Variants in KARS1 observed in about 807,000 individuals in gnomAD.
The protein encoded by KARS1 is lysyl-tRNA synthetase 1.
A neutral mutation model predicts 63.9 loss-of-function variants in KARS1; 50 were observed. The ratio of observed to expected loss-of-function variants is 0.78; its 90% CI spans 0.62 to 0.99. KARS1 has a LOEUF of 0.99. KARS1 is among the 50% of genes least tolerant of loss of function. The probability of loss-of-function intolerance (pLI) is 0.00; values close to 1 mark genes in which losing one functional copy is unlikely to be tolerated. For missense variants in KARS1, 816 were observed against 754.5 expected, an observed-to-expected ratio of 1.08 and a Z score of -0.95; for synonymous variants, 320 against 264.6, an observed-to-expected ratio of 1.21 and a Z score of -2.03.
At position 75,629,623 on chromosome 16, in the gene KARS1, G is replaced by A. The variant is rs79612807; in HGVS notation, c.1425-82C>T. ...TTTGTTTTTTCTTTTTTTTTGAGAC[G>A]GAGTCTCGCTCTGTCACGCAGGCTG... is the stretch of plus-strand genomic sequence containing the variant. On this transcript the variant is annotated intron_variant, in intron 11 of 13. Transcript: ENST00000302445. The A allele has an allele frequency of 2.8e-4, 394 of 1,427,206 alleles. 1 individual carries two copies. In the African/African-American group the frequency reaches 3.7e-3, roughly 13 times the overall value. The allele number at this position is 1,427,206 out of a possible 1,614,324, so 88.4% of individuals were successfully genotyped here. A position where few individuals can be genotyped will look rare whatever the true frequency, so the allele number is the denominator to read the frequency against.
At position 75,636,520 on chromosome 16, in the gene KARS1, C is replaced by T. The variant is rs767363060; in HGVS notation, c.416G>A (p.Gly139Glu). 2 of 1,612,784 alleles carry T rather than the reference C, an allele frequency of 1.2e-6. No individual in the cohort carries two copies. The highest frequency in any genetic ancestry group is 1.1e-5 in the South Asian group (1 of 91,048). ...AAGATCATAGAAGATGAGCTTTCCCCCAGAAGCTCTTTTGGCATGGATCCT... is the reference window on the plus strand; with the variant it reads ...AAGATCATAGAAGATGAGCTTTCCCTCAGAAGCTCTTTTGGCATGGATCCT... Reference protein sequence around the residue: ...AGRIHAKRASGGKLIFYDLRG... With the variant: ...AGRIHAKRASEGKLIFYDLRG... Residue 139 changes from glycine (G) to glutamate (E), a missense_variant, in exon 4 of 14, where the codon GGG (glycine) becomes GAG (glutamate). Physicochemically the swap from Gly to Glu is moderately conservative, Grantham distance 98 (BLOSUM62 -2). Coordinates refer to ENST00000302445, the MANE Select transcript of KARS1 (RefSeq NM_005548.3).
intron 3 of KARS1, among the ~76,000 whole-genome samples, chr16:75,639,428 C>A (rs906799556): frequency 1.3e-5 from 2 of 149,778 alleles, no homozygotes; most frequent in African/African-American, 4.9e-5. Flanking sequence ...AAAACTTAGC[C>A]GGGCGTGGTG....
At position 75,629,445 on chromosome 16, in the gene KARS1, C is replaced by A; in HGVS notation, c.1521G>T (p.Arg507=). 1 of 1,614,154 alleles carries A rather than the reference C, an allele frequency of 6.2e-7. No individual in the cohort carries two copies. ...CCTGTTCTTCAAAAAGCTGCCGCTG[C>A]CGCATGGGATCATTCAGCTCAGTAT... is the stretch of plus-strand genomic sequence containing the variant. ...NAYTELNDPM[R]QRQLFEEQAK... The change falls in exon 12 of 14, where the codon CGG becomes CGT. Residue 507 remains arginine (R), a synonymous_variant. Transcript: ENST00000302445.
chr16:75,631,615 G>T (rs766937601), intron 8 of KARS1, 26 bp from the exon 9 acceptor site: 1 of 1,613,970 alleles, frequency 6.2e-7, no homozygotes, highest in South Asian at 1.1e-5. Flanking sequence ...GTTATTTAGC[G>T]GGAATGAAAT....
In KARS1 at chr16:75,640,100, C is replaced by G. The variant is rs1405747839; in HGVS notation, c.388+84G>C. 10 of 1,207,276 alleles carry G rather than the reference C, an allele frequency of 8.3e-6. No homozygotes were observed. The East Asian group carries it at 1.9e-4, about 22-fold the overall frequency. The allele number at this position is 1,207,276 out of a possible 1,614,324, so 74.8% of individuals were successfully genotyped here. A position where few individuals can be genotyped will look rare whatever the true frequency, so the allele number is the denominator to read the frequency against. On this transcript the variant is annotated intron_variant, in intron 3 of 13. Coordinates refer to ENST00000302445, the MANE Select transcript of KARS1 (RefSeq NM_005548.3). Reference sequence around the variant, plus strand: ...AGACACAGGCTACTTGAGAACAAGACCAACCCAGACCTTCCCTTGTGCTAC... The same window carrying G: ...AGACACAGGCTACTTGAGAACAAGAGCAACCCAGACCTTCCCTTGTGCTAC...
chr16:75,643,375 T>C (rs570062780), intron 1 of KARS1, among the ~76,000 whole-genome samples: 3 of 151,520 alleles, frequency 2.0e-5, no homozygotes, highest in East Asian at 1.9e-4. Flanking sequence ...TTTGAATCTT[T>C]CACCTTTTTT....
At chr16:75,633,036 C>A (rs1185871050) in intron 7 of KARS1, among the ~76,000 whole-genome samples, 2 of 152,236 alleles carry the variant, frequency 1.3e-5, no homozygotes, top group East Asian at 3.9e-4. Context: ...GGAGGTTGAC[C>A]AAAGATACTG....
chr16:75,630,299 G>A (rs1009648613), intron 11 of KARS1, 124 bp downstream of exon 11: 14 of 691,316 alleles, frequency 2.0e-5, no homozygotes, highest in African/African-American at 3.5e-5. Context: ...AAGCCACTTG[G>A]GTTACCCTGG....
At position 75,644,856 on chromosome 16, in the gene KARS1, G is replaced by C. The variant is rs372902823; in HGVS notation, c.62+2722C>G. ...CAATAGGAAGCATATAAAATAAGAG[G>C]AAACTGTCACTATCAATTGCAAACT... On this transcript the variant is annotated intron_variant, in intron 1 of 13. Coordinates refer to ENST00000302445, the MANE Select transcript of KARS1 (RefSeq NM_005548.3). 1.2e-4 allele frequency among the ~76,000 whole-genome samples: 19 copies of C among 152,262 alleles called. 2 individuals carry two copies. The East Asian group carries it at 1.7e-3, about 14-fold the overall frequency.
At chr16:75,647,412 C>T in intron 1 of KARS1, 166 bp downstream of exon 1, 2 of 720,880 alleles carry the variant, frequency 2.8e-6, no homozygotes, top group South Asian at 1.5e-5. Context: ...CCGGGGTATC[C>T]CGGGGTACGT....
intron 3 of KARS1, 110 bp downstream of exon 3, chr16:75,640,074 C>T (rs1338152132): frequency 1.3e-5 from 11 of 879,322 alleles, no homozygotes; most frequent in East Asian, 2.4e-5. Context: ...AAAGTAGCTT[C>T]AGACACAGGC....
intron 7 of KARS1, among the ~76,000 whole-genome samples, chr16:75,632,227 T>C (rs1243908719): frequency 1.3e-5 from 2 of 152,178 alleles, no homozygotes; most frequent in African/African-American, 4.8e-5. Context: ...CTCTGGGAAG[T>C]TTCAGTCTCC....
chr16:75,632,231 A>C (rs2082122519), intron 7 of KARS1, among the ~76,000 whole-genome samples: 1 of 152,188 alleles, frequency 6.6e-6, no homozygotes, highest in Non-Finnish European at 1.5e-5. Flanking sequence ...GGGAAGTTTC[A>C]GTCTCCAAAA....
chr16:75,647,522 T>C lies in KARS1; in HGVS notation c.62+56A>G, dbSNP rs117457640. On this transcript the variant is annotated intron_variant, in intron 1 of 13. Transcript: ENST00000302445. ...AGCCTTGGTGGGAACCTCGCGGCGC[T>C]TCCCAGCCCAGACTCTCCTACCGCA... is the stretch of plus-strand genomic sequence containing the variant. 0.016 allele frequency: 25,332 copies of C among 1,542,158 alleles called. 266 individuals are homozygous for C. The highest frequency in any genetic ancestry group is 0.021 in the Non-Finnish European group (23,661 of 1,122,326).
chr16:75,643,791 T>G (rs139644992), intron 1 of KARS1, among the ~76,000 whole-genome samples: 3 of 152,362 alleles, frequency 2.0e-5, no homozygotes, highest in African/African-American at 7.2e-5. Context: ...TCCAAAACAC[T>G]GTGCTGGTGT....
rs374126791 is a variant in KARS1 at position 75,640,190 on chromosome 16, C to T, written c.382G>A (p.Val128Met). ...TGCCAGGGAGAGTTCCTACCTGCCA[C>T]CTTTAAGGTGATGTCAGTCAGGTGA... ...GDHLTDITLK[V>M]AGRIHAKRAS... The change falls in exon 3 of 14, where the codon GTG becomes ATG. Residue 128 changes from valine (V) to methionine (M), a missense_variant. Physicochemically the swap from Val to Met is conservative, Grantham distance 21 (BLOSUM62 1). Coordinates refer to ENST00000302445, the MANE Select transcript of KARS1 (RefSeq NM_005548.3). 58 of 1,613,922 alleles carry T rather than the reference C, an allele frequency of 3.6e-5. No homozygotes were observed. The highest frequency in any genetic ancestry group is 1.6e-4 in the Middle Eastern group (1 of 6,068).
rs1281269310 is a variant in KARS1, at chr16:75,631,612, A to G, written c.1079-23T>C. On this transcript the variant is annotated intron_variant, in intron 8 of 13. Transcript: ENST00000302445. ...TCCCTGGGAGAGAAACCTGTTATTTAGCGGGAATGAAATCCAGGCAGCCCT... is the reference window on the plus strand; with the variant it reads ...TCCCTGGGAGAGAAACCTGTTATTTGGCGGGAATGAAATCCAGGCAGCCCT... The G allele has an allele frequency of 1.9e-6, 3 of 1,613,986 alleles. No homozygotes were observed. In the African/African-American group the frequency reaches 4.0e-5, roughly 22 times the overall value.
intron 10 of KARS1, 59 bp downstream of exon 10, chr16:75,631,109 G>A (rs1049079642): frequency 2.9e-6 from 4 of 1,376,382 alleles, no homozygotes; most frequent in Non-Finnish European, 4.1e-6. Context: ...TTTTCCCAGG[G>A]AAGAGGGAAC....
chr16:75,636,017 A>G lies in KARS1; in HGVS notation c.564T>C (p.Pro188=). Residue 188 remains proline (P), a synonymous_variant, in exon 5 of 14, where the codon CCT becomes CCC. Transcript: ENST00000302445. ...RGDIIGVQGN[P]GKTKKGELSI... ...TCAGCTCACCCTTCTTGGTTTTACC[A>G]GGATTCCCCTGAACTCCAATTATGT... 9.9e-6 allele frequency: 16 copies of G among 1,613,264 alleles called. No homozygotes were observed. The highest frequency in any genetic ancestry group is 1.4e-5 in the Non-Finnish European group (16 of 1,179,188).
Sources: allele counts gnomAD v4.1 joint callset (sites outside exome capture counted in the v4.1 genomes callset), GRCh38; gene constraint gnomAD v4.1.1; transcripts MANE v1.5; gene names NCBI Gene and HGNC (gene_info 2026-07-23, HGNC 2026-07-21).